Variants in RANBP2 observed in about 807,000 individuals in gnomAD.
The protein encoded by RANBP2 is E3 SUMO-protein ligase RanBP2.
In RANBP2, 57 loss-of-function variants were observed where a neutral mutation model predicts 303.6. The observed-to-expected ratio is 0.19, with a 90% CI of 0.15 to 0.23. The LOEUF is 0.23. Ranked by LOEUF, RANBP2 falls within the 10% of genes least tolerant of loss-of-function variation. The pLI, the probability that RANBP2 is intolerant of heterozygous loss-of-function variation, is 1.00. For synonymous variants in RANBP2, 1,167 were observed against 1,301.5 expected (o/e 0.90, Z 2.23); for missense variants, 3,138 against 3,780.8 (o/e 0.83, Z 4.46).
the RANBP2 span, among the ~76,000 whole-genome samples, chr2:109,369,454 T>C: frequency 6.6e-6 from 1 of 152,224 alleles, no homozygotes; most frequent in African/African-American, 2.4e-5. Context: ...TTTTGGGCTG[T>C]GTGAAGTGAT....
At chr2:109,049,594 G>A in the RANBP2 span, among the ~76,000 whole-genome samples, 1 of 152,204 alleles carries the variant, frequency 6.6e-6, no homozygotes, top group Non-Finnish European at 1.5e-5. Flanking sequence ...AAGGACAGAG[G>A]TGGGCCTGAG....
chr2:108,779,222 C>A (rs1724205), intron 25 of RANBP2, among the ~76,000 whole-genome samples: 39,453 of 152,052 alleles, frequency 0.26, 5,492 homozygotes, highest in African/African-American at 0.35. Context: ...AGTGCAGTGG[C>A]GCAGATCTCA....
At chr2:109,316,360 C>T in the RANBP2 span, among the ~76,000 whole-genome samples, 1 of 152,088 alleles carries the variant, frequency 6.6e-6, no homozygotes, top group Non-Finnish European at 1.5e-5. Context: ...TCTACATGCC[C>T]CTGCTCCTGG....
At chr2:108,808,246 A>G in the RANBP2 span, among the ~76,000 whole-genome samples, 1 of 152,170 alleles carries the variant, frequency 6.6e-6, no homozygotes, top group Non-Finnish European at 1.5e-5. Context: ...TTCTTCATAA[A>G]TTTATCTATC....
chr2:109,030,103 C>G, the RANBP2 span, among the ~76,000 whole-genome samples: 4 of 152,204 alleles, frequency 2.6e-5, no homozygotes, highest in Non-Finnish European at 5.9e-5. Context: ...CTTTTGTTTG[C>G]TACCTCAGAA....
At chr2:109,550,772 C>A in the RANBP2 span, among the ~76,000 whole-genome samples, 1 of 152,192 alleles carries the variant, frequency 6.6e-6, no homozygotes, top group Non-Finnish European at 1.5e-5. Context: ...TCAACCAGGG[C>A]TCTCGGCTGC....
the RANBP2 span, among the ~76,000 whole-genome samples, chr2:108,829,463 AAAAT>A: frequency 6.6e-6 from 1 of 151,432 alleles, no homozygotes; most frequent in African/African-American, 2.5e-5. Flanking sequence ...GTTTATTTAA[AAAAT>A]AAACATGGTG....
At chr2:109,436,089 C>G in the RANBP2 span, among the ~76,000 whole-genome samples, 1 of 152,118 alleles carries the variant, frequency 6.6e-6, no homozygotes, top group Non-Finnish European at 1.5e-5. Context: ...GGGCAGGCAG[C>G]CTGTTCTCCC....
chr2:108,889,202 G>A, the RANBP2 span, among the ~76,000 whole-genome samples: 1 of 152,108 alleles, frequency 6.6e-6, no homozygotes, highest in African/African-American at 2.4e-5. Context: ...GTTGAGACTT[G>A]TTTTGTGGCC....
the RANBP2 span, among the ~76,000 whole-genome samples, chr2:109,000,634 C>T: frequency 2.0e-5 from 3 of 152,132 alleles, no homozygotes; most frequent in South Asian, 2.1e-4. Context: ...AAACTGGGGA[C>T]GGCTTCTTGG....
chr2:109,699,931 C>T, the RANBP2 span, among the ~76,000 whole-genome samples: 177 of 152,300 alleles, frequency 1.2e-3, no homozygotes, highest in African/African-American at 4.1e-3. Flanking sequence ...TTTCTCTTCT[C>T]TCAGGATTTG....
chr2:108,788,081 C>A, downstream of RANBP2: 1 of 1,600,088 alleles, frequency 6.2e-7, no homozygotes, highest in Non-Finnish European at 8.5e-7. Flanking sequence ...AGAACTCTAA[C>A]CTCCCCAGGT....
chr2:109,120,299 A>C, the RANBP2 span, among the ~76,000 whole-genome samples: 2 of 152,208 alleles, frequency 1.3e-5, no homozygotes, highest in Non-Finnish European at 1.5e-5. Context: ...TTTAACAACC[A>C]GGGCTTTGGT....
chr2:109,513,309 T>C, the RANBP2 span, among the ~76,000 whole-genome samples: 1 of 150,606 alleles, frequency 6.6e-6, no homozygotes, highest in Non-Finnish European at 1.5e-5. Context: ...TACACATGCA[T>C]GCATATACTC....
chr2:109,029,512 G>C, the RANBP2 span, among the ~76,000 whole-genome samples: 1 of 152,248 alleles, frequency 6.6e-6, no homozygotes, highest in Non-Finnish European at 1.5e-5. Flanking sequence ...GTGTGTGTCT[G>C]TCCGTTTCCA....
chr2:109,136,402 A>G, the RANBP2 span, among the ~76,000 whole-genome samples: 1 of 152,174 alleles, frequency 6.6e-6, no homozygotes, highest in Admixed American at 6.5e-5. Context: ...TTAACTTTAA[A>G]AGAACAGGGT....
chr2:108,897,216 C>T, the RANBP2 span: 34 of 1,613,456 alleles, frequency 2.1e-5, 1 homozygote, highest in African/African-American at 5.3e-5. Context: ...ATGGCAGCTC[C>T]GTGGGGCTAA....
chr2:109,245,334 A>G, the RANBP2 span, among the ~76,000 whole-genome samples: 1 of 151,728 alleles, frequency 6.6e-6, no homozygotes, highest in Non-Finnish European at 1.5e-5. Context: ...TCTGTCCCCA[A>G]CTTGGGGACA....
chr2:109,408,716 T>C, the RANBP2 span, among the ~76,000 whole-genome samples: 1 of 152,340 alleles, frequency 6.6e-6, no homozygotes, highest in South Asian at 2.1e-4. Flanking sequence ...TTTTTCAAAG[T>C]CCACCCCTCC....
Sources: allele counts gnomAD v4.1 joint callset (sites outside exome capture counted in the v4.1 genomes callset), GRCh38; gene constraint gnomAD v4.1.1; transcripts MANE v1.5; gene names NCBI Gene and HGNC (gene_info 2026-07-23, HGNC 2026-07-21).